GRK3: variants seen among roughly 807,000 people sequenced by gnomAD.
The protein encoded by GRK3 is G protein-coupled receptor kinase 3.
In GRK3, 54 loss-of-function variants were observed where a neutral mutation model predicts 95.7. That is an observed-to-expected ratio of 0.56 (90% CI 0.45 to 0.71). GRK3 has a LOEUF of 0.71. Ranked by LOEUF, GRK3 falls within the 30% of genes least tolerant of loss-of-function variation. GRK3 has a pLI of 0.00. For missense variants in GRK3, 649 were observed against 851.2 expected (o/e 0.76, Z 2.96); for synonymous variants, 281 against 290.8 (o/e 0.97, Z 0.34).
At chr22:25,620,949 C>A (rs2084580784) in intron 2 of GRK3, among the ~76,000 whole-genome samples, 1 of 152,172 alleles carries the variant, frequency 6.6e-6, no homozygotes, top group Admixed American at 6.5e-5. Context: ...GGGATTGTAG[C>A]CACTCGGGAC....
chr22:25,565,136 C>A lies in GRK3; in HGVS notation c.96C>A (p.Ile32=). The A allele has an allele frequency of 2.0e-6, 3 of 1,537,770 alleles. No homozygotes were observed. The highest frequency in any genetic ancestry group is 2.1e-4 in the Middle Eastern group (1 of 4,810). ...CGGCCGCCCGCGCCAGCAAGAGGAT[C>A]GTCCTGCCGGAGCCCAGGTACCAGC... The part of the protein sequence containing the change: ...ATPAARASKR[I]VLPEPSIRSV... The change falls in exon 1 of 21, where the codon ATC becomes ATA. Residue 32 remains isoleucine, a synonymous_variant. Transcript: ENST00000324198.
chr22:25,707,940 C>T (rs1286797709), intron 15 of GRK3, among the ~76,000 whole-genome samples: 1 of 152,040 alleles, frequency 6.6e-6, no homozygotes, highest in Non-Finnish European at 1.5e-5. Context: ...GCATCCTGAG[C>T]AGGAATCACC....
At chr22:25,604,314 C>A in intron 1 of GRK3, 63 bp from the exon 2 acceptor site, 1 of 1,230,954 alleles carries the variant, frequency 8.1e-7, no homozygotes, top group South Asian at 1.4e-5. Flanking sequence ...TCTCTTCCAT[C>A]CTGGGGATGG....
At chr22:25,640,405 G>A (rs977604838) in intron 2 of GRK3, among the ~76,000 whole-genome samples, 6 of 152,216 alleles carry the variant, frequency 3.9e-5, no homozygotes, top group South Asian at 2.1e-4. Context: ...ATCCGTAAGC[G>A]CTTTATTGGA....
At chr22:25,685,071 AT>A in intron 9 of GRK3, 98 bp from the exon 10 acceptor site, 3 of 785,972 alleles carry the variant, frequency 3.8e-6, no homozygotes, top group South Asian at 3.2e-5. Context: ...CAATTAAAAA[AT>A]AAAGTAATTT....
intron 10 of GRK3, among the ~76,000 whole-genome samples, chr22:25,686,228 A>C (rs2146432247): frequency 6.6e-6 from 1 of 151,936 alleles, no homozygotes. Flanking sequence ...TCTCAAAAAA[A>C]AAAAACAAAA....
rs2085488004 is a variant in GRK3 at position 25,728,001 on chromosome 22, A to C, written c.*5551A>C. The C allele has an allele frequency of 6.6e-6, 1 of 152,220 alleles. No individual in the cohort carries two copies. Among genetic ancestry groups the C allele is most frequent in the South Asian group, 2.1e-4 (1 of 4,836 alleles). The allele number at this position is 152,220 out of a possible 1,614,324, so 9.4% of individuals were successfully genotyped here. A position where few individuals can be genotyped will look rare whatever the true frequency, so the allele number is the denominator to read the frequency against. On this transcript the variant is annotated 3_prime_UTR_variant, in exon 21 of 21. Coordinates refer to ENST00000324198, the MANE Select transcript of GRK3 (RefSeq NM_005160.4). ...GAACTATATATATATAAGAAACAAG[A>C]GTTCTATTTTAGCACAAAGGCATTT...
intron 18 of GRK3, among the ~76,000 whole-genome samples, chr22:25,717,215 C>CT (rs1401042667): frequency 6.6e-6 from 1 of 152,166 alleles, no homozygotes; most frequent in African/African-American, 2.4e-5. Context: ...ATATTGATGA[C>CT]TTGAACATCT....
At chr22:25,624,115 C>CT (rs543174931) in intron 2 of GRK3, among the ~76,000 whole-genome samples, 1 of 152,006 alleles carries the variant, frequency 6.6e-6, no homozygotes, top group Non-Finnish European at 1.5e-5. Flanking sequence ...TTGCCTCCAT[C>CT]TTTTTTTTCC....
intron 3 of GRK3, chr22:25,648,227 T>C (rs541446645): frequency 2.6e-6 from 2 of 771,372 alleles, no homozygotes; most frequent in East Asian, 2.4e-5. Flanking sequence ...GGGGTGACAA[T>C]GTGAAACACC....
rs1397937948 is a variant in GRK3 at position 25,724,503 on chromosome 22, C to T, written c.*2053C>T. 6.6e-6 allele frequency: 1 copy of T among 152,204 alleles called. No individual in the cohort carries two copies. Among genetic ancestry groups the T allele is most frequent in the Non-Finnish European group, 1.5e-5 (1 of 68,044 alleles). The allele number at this position is 152,204 out of a possible 1,614,324, so 9.4% of individuals were successfully genotyped here. A position where few individuals can be genotyped will look rare whatever the true frequency, so the allele number is the denominator to read the frequency against. Reference sequence around the variant, plus strand: ...GCTCTAAGAATAGAACATAAGGCTCCACTCCCTTTTAGAAAAGATATATGA... The same window carrying T: ...GCTCTAAGAATAGAACATAAGGCTCTACTCCCTTTTAGAAAAGATATATGA... On this transcript the variant is annotated 3_prime_UTR_variant, in exon 21 of 21. Transcript: ENST00000324198.
At chr22:25,652,475 G>C (rs1385325339) in intron 3 of GRK3, among the ~76,000 whole-genome samples, 1 of 152,138 alleles carries the variant, frequency 6.6e-6, no homozygotes, top group Non-Finnish European at 1.5e-5. Flanking sequence ...CAATAATGTC[G>C]TGTTTCTCGA....
intron 1 of GRK3, among the ~76,000 whole-genome samples, chr22:25,568,767 A>G (rs1931582769): frequency 6.6e-6 from 1 of 152,278 alleles, no homozygotes; most frequent in African/African-American, 2.4e-5. Context: ...ACAAACAAAT[A>G]GCGTTTGGAT....
At chr22:25,678,409 G>A (rs993186033) in intron 8 of GRK3, among the ~76,000 whole-genome samples, 5 of 152,038 alleles carry the variant, frequency 3.3e-5, no homozygotes, top group South Asian at 2.1e-4. Context: ...GAGCTGGATC[G>A]TGCCACTGCA....
Position 25,700,331 on chromosome 22 carries a change from C to T in GRK3, c.1161-3179C>T, listed in dbSNP as rs551867530. ...TGTGGAGCTGCCATCATGATCTTCA[C>T]CTAGATTTAAGATGTCTGTTAAGGA... On this transcript the variant is annotated intron_variant, in intron 13 of 20. Transcript: ENST00000324198. 8.6e-5 allele frequency among the ~76,000 whole-genome samples: 13 copies of T among 152,004 alleles called. No individual in the cohort carries two copies. The South Asian group carries it at 2.5e-3, about 29-fold the overall frequency.
At chr22:25,704,444 C>T (rs1052001545) in intron 15 of GRK3, among the ~76,000 whole-genome samples, 1 of 152,292 alleles carries the variant, frequency 6.6e-6, no homozygotes, top group East Asian at 1.9e-4. Flanking sequence ...GAGTCTTGCC[C>T]TGTCACCCAG....
At chr22:25,712,764 C>T (rs1312546629) in intron 17 of GRK3, among the ~76,000 whole-genome samples, 1 of 152,178 alleles carries the variant, frequency 6.6e-6, no homozygotes, top group Non-Finnish European at 1.5e-5. Flanking sequence ...GGCATATAGT[C>T]AATGCTTGAC....
intron 1 of GRK3, among the ~76,000 whole-genome samples, chr22:25,588,036 C>T (rs557557150): frequency 1.4e-4 from 21 of 152,244 alleles, no homozygotes; most frequent in East Asian, 3.9e-4. Context: ...TGAGCTGAAG[C>T]GATCCACCTG....
At chr22:25,611,497 C>G (rs2084497210) in intron 2 of GRK3, among the ~76,000 whole-genome samples, 1 of 152,090 alleles carries the variant, frequency 6.6e-6, no homozygotes, top group Non-Finnish European at 1.5e-5. Flanking sequence ...TGTTACCCGT[C>G]TTTTTTGTAT....
Sources: gnomAD v4.1 joint callset for allele counts (sites outside exome capture counted in the v4.1 genomes callset) on GRCh38, gnomAD v4.1.1 for gene constraint, MANE v1.5 for transcripts, NCBI Gene and HGNC (gene_info 2026-07-23, HGNC 2026-07-21) for gene names.